The following METTL25 variants were observed in gnomAD, a reference collection of about 807,000 sequenced individuals.
METTL25 encodes methyltransferase like 25, also known as probable methyltransferase-like protein 25.
A neutral mutation model predicts 71.6 loss-of-function variants in METTL25; 64 were observed. That is an observed-to-expected ratio of 0.89 (90% CI 0.73 to 1.10). The LOEUF (loss-of-function observed/expected upper bound fraction) is 1.10, where lower values mean the gene tolerates loss of function less well. Ranked by LOEUF, METTL25 falls within the 50% of genes least tolerant of loss-of-function variation. The pLI is 0.00. For missense variants in METTL25, 807 were observed against 707.0 expected, an observed-to-expected ratio of 1.14 and a Z score of -1.60; for synonymous variants, 287 against 250.3, an observed-to-expected ratio of 1.15 and a Z score of -1.38.
At chr12:82,441,806 AACACACAC>A (rs57098687) in intron 8 of METTL25, among the ~76,000 whole-genome samples, 4 of 133,986 alleles carry the variant, frequency 3.0e-5, no homozygotes, top group African/African-American at 5.7e-5. Context: ...AAAAAATAGA[AACACACAC>A]ACACACACAC....
chr12:82,434,975 TATA>T (rs913220008), intron 7 of METTL25, among the ~76,000 whole-genome samples: 1 of 151,582 alleles, frequency 6.6e-6, no homozygotes. Flanking sequence ...CTAAACAGTC[TATA>T]AATATTTCTG....
intron 8 of METTL25, among the ~76,000 whole-genome samples, chr12:82,455,678 A>G (rs529204417): frequency 1.3e-5 from 2 of 152,054 alleles, no homozygotes; most frequent in Admixed American, 6.6e-5. Flanking sequence ...GTCTGAAACA[A>G]TTAGTAGACT....
chr12:82,422,062 C>G (rs537528788), intron 5 of METTL25, among the ~76,000 whole-genome samples: 1 of 152,260 alleles, frequency 6.6e-6, no homozygotes, highest in Non-Finnish European at 1.5e-5. Context: ...CCAGCATCAT[C>G]CTGATACCAA....
chr12:82,443,389 T>C (rs558955313), intron 8 of METTL25, among the ~76,000 whole-genome samples: 1 of 149,106 alleles, frequency 6.7e-6, no homozygotes, highest in East Asian at 2.0e-4. Flanking sequence ...AAGTCAGTGA[T>C]GTCTTCAAAG....
intron 5 of METTL25, among the ~76,000 whole-genome samples, chr12:82,426,668 A>C (rs1889045250): frequency 6.6e-6 from 1 of 151,990 alleles, no homozygotes; most frequent in African/African-American, 2.4e-5. Flanking sequence ...ACATTTTTGA[A>C]GTAAGACCAT....
chr12:82,439,856 C>T, intron 8 of METTL25: 3 of 832,834 alleles, frequency 3.6e-6, no homozygotes, highest in Non-Finnish European at 4.0e-6. Context: ...GACCTCAGAT[C>T]TGTTCATGTG....
chr12:82,453,852 G>A (rs1436015995), intron 8 of METTL25, among the ~76,000 whole-genome samples: 1 of 152,098 alleles, frequency 6.6e-6, no homozygotes, highest in Admixed American at 6.6e-5. Context: ...AGTTCCTGCT[G>A]TGTGAGGTAC....
chr12:82,416,996 G>A (rs1321634465), intron 5 of METTL25, among the ~76,000 whole-genome samples: 5 of 152,050 alleles, frequency 3.3e-5, no homozygotes, highest in African/African-American at 1.2e-4. Flanking sequence ...TCTAAGGTGG[G>A]AAATGAGTTT....
chr12:82,394,908 A>G (rs1426249047), intron 3 of METTL25, among the ~76,000 whole-genome samples: 1 of 151,834 alleles, frequency 6.6e-6, no homozygotes, highest in Non-Finnish European at 1.5e-5. Context: ...GGGAACAACA[A>G]GTTCAGTGGC....
At chr12:82,469,458 T>A (rs889598377) in intron 9 of METTL25, among the ~76,000 whole-genome samples, 5 of 151,880 alleles carry the variant, frequency 3.3e-5, no homozygotes, top group African/African-American at 1.2e-4. Context: ...GAATGACAGG[T>A]GAGCAAAGAG....
chr12:82,428,434 T>C (rs1418738982), intron 5 of METTL25, among the ~76,000 whole-genome samples: 2 of 151,918 alleles, frequency 1.3e-5, no homozygotes, highest in Non-Finnish European at 2.9e-5. Flanking sequence ...ATTTCTCTTT[T>C]TATTTGTCAG....
At chr12:82,425,463 A>G (rs1888937938) in intron 5 of METTL25, among the ~76,000 whole-genome samples, 1 of 152,068 alleles carries the variant, frequency 6.6e-6, no homozygotes. Flanking sequence ...TAAGGCCACA[A>G]ATAAGAAAGA....
chr12:82,359,700 A>G (rs568293582), intron 1 of METTL25, among the ~76,000 whole-genome samples: 32 of 152,312 alleles, frequency 2.1e-4, no homozygotes, highest in Admixed American at 5.9e-4. Flanking sequence ...TGTAGGCTCA[A>G]GCTTTTCCTA....
intron 3 of METTL25, among the ~76,000 whole-genome samples, chr12:82,392,247 C>A: frequency 8.2e-6 from 1 of 122,062 alleles, no homozygotes. Context: ...CAATGCTATC[C>A]CTCCCCCCTC....
intron 9 of METTL25, among the ~76,000 whole-genome samples, chr12:82,461,109 C>G (rs892798271): frequency 1.3e-5 from 2 of 152,156 alleles, no homozygotes; most frequent in African/African-American, 4.8e-5. Flanking sequence ...TGCCACTGCA[C>G]TCCAGCCTGG....
In METTL25 at chr12:82,358,773, G is replaced by T; in HGVS notation, c.208G>T (p.Glu70Ter). Residue 70 changes from glutamate to a stop codon, truncating the protein, a stop_gained, in exon 1 of 12, where the codon GAG becomes TAG. Coordinates refer to ENST00000248306, the MANE Select transcript of METTL25 (RefSeq NM_032230.3). LOFTEE classifies it high-confidence loss of function. ...AALRKSASET[E>*]ALPSETRPLV... ...GCTGAGGAAGTCAGCGTCGGAGACG[G>T]AGGCCCTGCCCTCAGAGACGCGCCC... 6.2e-7 allele frequency: 1 copy of T among 1,613,954 alleles called. No individual in the cohort carries two copies. The highest frequency in any genetic ancestry group is 1.1e-5 in the South Asian group (1 of 91,076).
chr12:82,407,712 A>T (rs140508362), intron 5 of METTL25: 1 of 592,874 alleles, frequency 1.7e-6, no homozygotes, highest in East Asian at 1.4e-4. Context: ...AGTACCCTCA[A>T]ATACTTCGGA....
intron 1 of METTL25, among the ~76,000 whole-genome samples, chr12:82,373,134 G>A (rs147543954): frequency 0.035 from 5,387 of 152,150 alleles, 105 homozygotes; most frequent in Middle Eastern, 0.048. Context: ...AGTCCTAAGC[G>A]TTCTCCTGTT....
At chr12:82,429,728 A>G (rs1035803942) in intron 5 of METTL25, among the ~76,000 whole-genome samples, 1 of 151,570 alleles carries the variant, frequency 6.6e-6, no homozygotes, top group African/African-American at 2.4e-5. Context: ...TTATATGCCA[A>G]CTTTTCAGAA....
Sources: allele counts gnomAD v4.1 joint callset (sites outside exome capture counted in the v4.1 genomes callset), GRCh38; gene constraint gnomAD v4.1.1; transcripts MANE v1.5; gene names NCBI Gene and HGNC (gene_info 2026-07-23, HGNC 2026-07-21).